Variants in NFATC3 observed in about 807,000 individuals in gnomAD.
NFATC3 encodes the protein nuclear factor of activated T-cells, cytoplasmic 3.
In NFATC3, 46 loss-of-function variants were observed where a neutral mutation model predicts 98.6. The observed-to-expected ratio is 0.47, with a 90% CI of 0.37 to 0.60. NFATC3 has a LOEUF of 0.60. Among genes scored for constraint, NFATC3 ranks in the 20% least tolerant of loss-of-function variants. NFATC3 has a pLI of 0.00. For synonymous variants in NFATC3, 512 were observed against 472.2 expected (o/e 1.08, Z -1.09); for missense variants, 1,256 against 1,295.5 (o/e 0.97, Z 0.47).
At position 68,228,143 on chromosome 16, in the gene NFATC3, CAA is replaced by C; in HGVS notation, c.*1675_*1676del. The C allele has an allele frequency of 6.6e-6, 1 of 152,258 alleles. No individual in the cohort carries two copies. The highest frequency in any genetic ancestry group is 1.9e-4 in the East Asian group (1 of 5,190). The allele number at this position is 152,258 out of a possible 1,614,324, so 9.4% of individuals were successfully genotyped here. ...GAGGAAGTATGGTCTTTAAAAAAAA[CAA>C]AATATATTTTAGATTTCTCCCCTAA... On this transcript the variant is annotated 3_prime_UTR_variant, in exon 10 of 10. Transcript: ENST00000346183.
intron 1 of NFATC3, among the ~76,000 whole-genome samples, chr16:68,099,348 TG>T: frequency 6.6e-6 from 1 of 151,728 alleles, no homozygotes; most frequent in South Asian, 2.1e-4. Flanking sequence ...GGCAGGAGAA[TG>T]GCGTGAACCC....
chr16:68,223,746 T>TTA (rs1224512702), intron 9 of NFATC3, among the ~76,000 whole-genome samples: 3 of 149,632 alleles, frequency 2.0e-5, no homozygotes, highest in Admixed American at 2.0e-4. Flanking sequence ...AATACAAAAA[T>TTA]TAGCCGGGCA....
chr16:68,163,857 A>G (rs1420315213), intron 4 of NFATC3, among the ~76,000 whole-genome samples: 36 of 148,046 alleles, frequency 2.4e-4, no homozygotes, highest in South Asian at 4.3e-4. Context: ...GGCCGGGAAG[A>G]GGCGCTCCTC....
chr16:68,132,058 G>C (rs75914405), intron 3 of NFATC3, among the ~76,000 whole-genome samples: 2,946 of 152,152 alleles, frequency 0.019, 33 homozygotes, highest in Non-Finnish European at 0.03. Context: ...TTTAAATGAC[G>C]TGCTCTCATG....
intron 1 of NFATC3, among the ~76,000 whole-genome samples, chr16:68,116,512 A>G (rs1293897766): frequency 6.6e-6 from 1 of 152,214 alleles, no homozygotes; most frequent in Non-Finnish European, 1.5e-5. Flanking sequence ...TGAGAATTCT[A>G]GACTTGGAAA....
chr16:68,130,883 A>G (rs1308513672), intron 3 of NFATC3, among the ~76,000 whole-genome samples: 2 of 152,148 alleles, frequency 1.3e-5, no homozygotes, highest in Non-Finnish European at 2.9e-5. Flanking sequence ...TGTTCCCAGC[A>G]TAGTTATTGA....
intron 9 of NFATC3, among the ~76,000 whole-genome samples, chr16:68,195,057 AGTCTG>A (rs2040603463): frequency 6.6e-6 from 1 of 151,484 alleles, no homozygotes; most frequent in African/African-American, 2.4e-5. Context: ...GTTGGAGACC[AGTCTG>A]GTCAACATGG....
rs1303916263 is a variant in NFATC3, at chr16:68,191,770, A to G, written c.3101A>G (p.Asp1034Gly). 2.5e-6 allele frequency: 4 copies of G among 1,614,026 alleles called. No homozygotes were observed. Among genetic ancestry groups the G allele is most frequent in the Non-Finnish European group, 2.5e-6 (3 of 1,180,016 alleles). The part of the protein sequence containing the change: ...ATIGLQDITL[D>G]DVNEIIGRDM... ...ATTGGTCTGCAGGACATCACTTTAG[A>G]TGATGGTAAGTTCATCTCTGATATG... The change falls in exon 9 of 10, where the codon GAT becomes GGT. Residue 1034 changes from aspartate to glycine, a missense_variant. Coordinates refer to ENST00000346183, the MANE Select transcript of NFATC3 (RefSeq NM_173165.3).
chr16:68,222,495 A>G lies in NFATC3; in HGVS notation c.3107-3855A>G, dbSNP rs191108764. Among the ~76,000 whole-genome samples, 7 of 152,284 alleles carry G rather than the reference A, an allele frequency of 4.6e-5. No homozygotes were observed. In the East Asian group the frequency reaches 1.3e-3, roughly 29 times the overall value. On this transcript the variant is annotated intron_variant, in intron 9 of 9. Transcript: ENST00000346183. ...TGAAATTATTGCCTTTGGAAGTGAT[A>G]AATGATAAGAAAAGATGATTTGATT... is the stretch of plus-strand genomic sequence containing the variant.
intron 3 of NFATC3, among the ~76,000 whole-genome samples, chr16:68,136,745 G>GTA (rs2037434734): frequency 6.6e-6 from 1 of 152,040 alleles, no homozygotes; most frequent in Non-Finnish European, 1.5e-5. Context: ...CTAATATGTG[G>GTA]TATAACCAGT....
At chr16:68,205,350 C>T (rs978863573) in intron 9 of NFATC3, among the ~76,000 whole-genome samples, 6 of 151,960 alleles carry the variant, frequency 3.9e-5, no homozygotes, top group African/African-American at 1.5e-4. Context: ...CAGGCTCCAG[C>T]ATTTCTCTCC....
intron 6 of NFATC3, among the ~76,000 whole-genome samples, chr16:68,175,555 C>CT (rs1232033119): frequency 6.6e-6 from 1 of 151,960 alleles, no homozygotes; most frequent in Non-Finnish European, 1.5e-5. Context: ...ATGTTTAAAA[C>CT]TTATGAAAGA....
At chr16:68,213,241 C>G (rs1207037241) in intron 9 of NFATC3, among the ~76,000 whole-genome samples, 1 of 150,046 alleles carries the variant, frequency 6.7e-6, no homozygotes, top group Non-Finnish European at 1.5e-5. Flanking sequence ...AGGTGAAACC[C>G]TGTCTCTACT....
chr16:68,133,426 A>T (rs145475057), intron 3 of NFATC3, among the ~76,000 whole-genome samples: 1 of 152,366 alleles, frequency 6.6e-6, no homozygotes, highest in East Asian at 1.9e-4. Flanking sequence ...TAATTATTAC[A>T]TGTCAACTAA....
At chr16:68,144,593 C>T (rs988030617) in intron 3 of NFATC3, among the ~76,000 whole-genome samples, 1 of 152,164 alleles carries the variant, frequency 6.6e-6, no homozygotes, top group Non-Finnish European at 1.5e-5. Flanking sequence ...GATCCATCCA[C>T]CTTGCCCTCC....
At chr16:68,197,674 T>C (rs778414278) in intron 9 of NFATC3, among the ~76,000 whole-genome samples, 5 of 152,234 alleles carry the variant, frequency 3.3e-5, no homozygotes, top group Non-Finnish European at 7.3e-5. Context: ...CTCAATTTGT[T>C]TTAACTTTTT....
chr16:68,203,245 G>A (rs1052241116), intron 9 of NFATC3, among the ~76,000 whole-genome samples: 2 of 152,122 alleles, frequency 1.3e-5, no homozygotes, highest in East Asian at 1.9e-4. Flanking sequence ...TATCGAATGC[G>A]TCTGTGTATT....
At chr16:68,184,633 C>T (rs955265679) in intron 8 of NFATC3, among the ~76,000 whole-genome samples, 2 of 151,990 alleles carry the variant, frequency 1.3e-5, no homozygotes, top group African/African-American at 2.4e-5. Context: ...GAAACCCCGT[C>T]TCTACTAAAA....
intron 9 of NFATC3, among the ~76,000 whole-genome samples, chr16:68,217,464 CAAAAAA>C (rs68079157): frequency 4.4e-4 from 20 of 44,964 alleles, no homozygotes; most frequent in South Asian, 2.7e-3. Context: ...GTCTCTGTCT[CAAAAAA>C]AAAAAAAAAA....
Sources: allele counts gnomAD v4.1 joint callset (sites outside exome capture counted in the v4.1 genomes callset), GRCh38; gene constraint gnomAD v4.1.1; transcripts MANE v1.5; gene names NCBI Gene and HGNC (gene_info 2026-07-23, HGNC 2026-07-21).